The following FOXJ2 variants were observed in gnomAD, a reference collection of about 807,000 sequenced individuals.
FOXJ2 encodes the protein forkhead box J2.
Under a neutral mutation model 68.4 loss-of-function variants are expected in FOXJ2, and 18 were observed. That is an observed-to-expected ratio of 0.26 (90% CI 0.18 to 0.39). The LOEUF (loss-of-function observed/expected upper bound fraction) is 0.39. FOXJ2 is among the 10% of genes least tolerant of loss of function. The probability of loss-of-function intolerance (pLI) is 1.00; values close to 1 mark genes in which losing one functional copy is unlikely to be tolerated. For missense variants in FOXJ2, 670 were observed against 726.5 expected, an observed-to-expected ratio of 0.92 and a Z score of 0.89; for synonymous variants, 274 against 263.2, an observed-to-expected ratio of 1.04 and a Z score of -0.40.
chr12:8,044,537 A>G (rs907422230), intron 5 of FOXJ2, among the ~76,000 whole-genome samples: 1 of 152,196 alleles, frequency 6.6e-6, no homozygotes, highest in East Asian at 1.9e-4. Context: ...ACCCTGCCTC[A>G]GAAACAAACA....
intron 3 of FOXJ2, 77 bp from the exon 4 acceptor site, chr12:8,043,624 C>T: frequency 6.7e-7 from 1 of 1,481,494 alleles, no homozygotes; most frequent in Non-Finnish European, 9.4e-7. Context: ...CAAATTTGCT[C>T]TTCATTAATA....
chr12:8,049,268 A>T, intron 8 of FOXJ2, 94 bp from the exon 9 acceptor site: 1 of 912,056 alleles, frequency 1.1e-6, no homozygotes, highest in Admixed American at 2.3e-5. Context: ...AGTGGGGGTG[A>T]TTGATGGTGT....
In FOXJ2 at chr12:8,035,627, G is replaced by A. The variant is rs1033710749; in HGVS notation, c.-15+1794G>A. On this transcript the variant is annotated intron_variant, in intron 1 of 10. Transcript: ENST00000162391. The surrounding 1 kb of genome is among the most constrained non-coding windows in gnomAD (Gnocchi z 4.0). ...CGTGCACCTGCCTGAATGGCTCAGG[G>A]TGAACTATATCACAACATCTCCAAG... is the stretch of plus-strand genomic sequence containing the variant. Among the ~76,000 whole-genome samples, 1 of 152,154 alleles carries A rather than the reference G, an allele frequency of 6.6e-6. No individual in the cohort carries two copies. Among genetic ancestry groups the A allele is most frequent in the Non-Finnish European group, 1.5e-5 (1 of 68,038 alleles).
At position 8,039,966 on chromosome 12, in the gene FOXJ2, G is replaced by A. The variant is rs1394799588; in HGVS notation, c.134G>A (p.Gly45Glu). The change falls in exon 2 of 11, where the codon GGG becomes GAG. Residue 45 changes from glycine to glutamate, a missense_variant. Gly to Glu is a moderately conservative substitution (Grantham distance 98). Coordinates refer to ENST00000162391, the MANE Select transcript of FOXJ2 (RefSeq NM_018416.3). ...PPGSSRKCSP[G>E]SPTDPNATLS... ...GGGAGCAGCCGCAAGTGTTCACCAG[G>A]GTCACCCACAGATCCTAATGCCACC... is the stretch of plus-strand genomic sequence containing the variant. The A allele has an allele frequency of 6.2e-7, 1 of 1,614,004 alleles. No homozygotes were observed. Among genetic ancestry groups the A allele is most frequent in the Admixed American group, 1.7e-5 (1 of 60,006 alleles).
At chr12:8,034,141 A>G (rs1357036390) in intron 1 of FOXJ2, among the ~76,000 whole-genome samples, 2 of 152,210 alleles carry the variant, frequency 1.3e-5, no homozygotes, top group Non-Finnish European at 1.5e-5. Context: ...GAGAACATGC[A>G]TACTGTGTAG....
Position 8,053,084 on chromosome 12 carries a change from ATAT to A in FOXJ2, c.*251_*253del, listed in dbSNP as rs940431210. ...TCCTAGTTCTTTTATTATTATTCTT[ATAT>A]TATTATTATTATTATTGGTTATATA... On this transcript the variant is annotated 3_prime_UTR_variant, in exon 11 of 11. Coordinates refer to ENST00000162391, the MANE Select transcript of FOXJ2 (RefSeq NM_018416.3). This position sits in a 1 kb window ranked among gnomAD's most constrained non-coding sequence, Gnocchi z 4.1. 3.6e-4 allele frequency: 67 copies of A among 185,052 alleles called. No individual in the cohort carries two copies. The highest frequency in any genetic ancestry group is 2.1e-3 in the Middle Eastern group (1 of 480). 11.5% of individuals were successfully genotyped at this position (185,052 alleles called of 1,614,324 possible).
rs950759469 is a variant in FOXJ2 at position 8,032,808 on chromosome 12, C to A, written c.-1040C>A. The A allele has an allele frequency of 5.0e-6, 2 of 398,134 alleles. No individual in the cohort carries two copies. The highest frequency in any genetic ancestry group is 8.9e-6 in the Non-Finnish European group (2 of 225,878). 24.7% of individuals were successfully genotyped at this position (398,134 alleles called of 1,614,324 possible). On this transcript the variant is annotated 5_prime_UTR_variant, in exon 1 of 11. Coordinates refer to ENST00000162391, the MANE Select transcript of FOXJ2 (RefSeq NM_018416.3). The surrounding 1 kb of genome is among the most constrained non-coding windows in gnomAD (Gnocchi z 4.8). ...CCGGGAGCCCAGACTGGTCGGAGCC[C>A]GAGCGGTGGCAGCGCGGGGAGCCCC...
chr12:8,041,538 G>A (rs767759367), intron 2 of FOXJ2, among the ~76,000 whole-genome samples: 3 of 150,652 alleles, frequency 2.0e-5, no homozygotes, highest in South Asian at 4.2e-4. Context: ...TTTTAAGACA[G>A]GGTCTTGCTC....
rs771119705 is a variant in FOXJ2 at position 8,050,627 on chromosome 12, G to C, written c.1636+7G>C. 6.2e-7 allele frequency: 1 copy of C among 1,613,848 alleles called. No individual in the cohort carries two copies. Among genetic ancestry groups the C allele is most frequent in the African/African-American group, 1.3e-5 (1 of 74,914 alleles). Reference sequence around the variant, plus strand: ...GCAGGATACAATCGCCCAGGTAAGAGCTAAGAAGCTTGTTTCAAAACCGTT... The same window carrying C: ...GCAGGATACAATCGCCCAGGTAAGACCTAAGAAGCTTGTTTCAAAACCGTT... On this transcript the variant is annotated splice_region_variant and intron_variant, in intron 10 of 10. Coordinates refer to ENST00000162391, the MANE Select transcript of FOXJ2 (RefSeq NM_018416.3).
chr12:8,051,318 CG>C (rs35315472), intron 10 of FOXJ2, among the ~76,000 whole-genome samples: 4 of 151,814 alleles, frequency 2.6e-5, no homozygotes, highest in African/African-American at 9.7e-5. Context: ...TTAGTAGAGA[CG>C]GGGTTTTGCC....
rs898344140 is a variant in FOXJ2 at position 8,032,777 on chromosome 12, G to A, written c.-1071G>A. On this transcript the variant is annotated 5_prime_UTR_variant, in exon 1 of 11. Coordinates refer to ENST00000162391, the MANE Select transcript of FOXJ2 (RefSeq NM_018416.3). This position sits in a 1 kb window ranked among gnomAD's most constrained non-coding sequence, Gnocchi z 4.8. ...CCCTGACACTGTCTGCCCGCCTTCT[G>A]GCTCCCCGGGAGCCCAGACTGGTCG... The A allele has an allele frequency of 4.3e-5, 17 of 398,218 alleles. No homozygotes were observed. The highest frequency in any genetic ancestry group is 2.7e-4 in the African/African-American group (13 of 48,700). 24.7% of individuals were successfully genotyped at this position (398,218 alleles called of 1,614,324 possible).
intron 10 of FOXJ2, 22 bp from the exon 11 acceptor site, chr12:8,052,738 ACT>A (rs754998173): frequency 6.2e-5 from 98 of 1,578,106 alleles, no homozygotes; most frequent in Middle Eastern, 1.7e-4. Flanking sequence ...CTCTCCTTTT[ACT>A]CTCTTTCTTT....
At chr12:8,043,036 T>G (rs1035765861) in intron 3 of FOXJ2, among the ~76,000 whole-genome samples, 1 of 151,590 alleles carries the variant, frequency 6.6e-6, no homozygotes, top group Non-Finnish European at 1.5e-5. Flanking sequence ...GTCAACATGG[T>G]GAAACCCCAT....
intron 5 of FOXJ2, 130 bp downstream of exon 5, chr12:8,044,221 G>A: frequency 1.8e-6 from 2 of 1,111,088 alleles, no homozygotes; most frequent in Non-Finnish European, 2.4e-6. Context: ...GAAGGGGAAG[G>A]CAAAAGAGGG....
At chr12:8,036,958 G>A (rs905536981) in intron 1 of FOXJ2, among the ~76,000 whole-genome samples, 4 of 152,134 alleles carry the variant, frequency 2.6e-5, no homozygotes, top group African/African-American at 9.7e-5. Context: ...GTGTGGTGGC[G>A]TGTGCCTATA....
intron 10 of FOXJ2, among the ~76,000 whole-genome samples, chr12:8,052,035 A>C (rs1352108507): frequency 6.6e-6 from 1 of 151,540 alleles, no homozygotes; most frequent in East Asian, 1.9e-4. Flanking sequence ...TGCCTGGCTA[A>C]TTTTTATTTT....
rs1024354656 is a variant in FOXJ2, at chr12:8,053,562, A to G, written c.*712A>G. The G allele has an allele frequency of 2.6e-5, 4 of 152,622 alleles. No individual in the cohort carries two copies. Among genetic ancestry groups the G allele is most frequent in the Admixed American group, 1.3e-4 (2 of 15,276 alleles). 9.5% of individuals were successfully genotyped at this position (152,622 alleles called of 1,614,324 possible). On this transcript the variant is annotated 3_prime_UTR_variant, in exon 11 of 11. Coordinates refer to ENST00000162391, the MANE Select transcript of FOXJ2 (RefSeq NM_018416.3). The surrounding 1 kb of genome is among the most constrained non-coding windows in gnomAD (Gnocchi z 4.1). ...AAGGGATGGAATATAAGTCAGTGTG[A>G]AACTGAGTATACACTGCCATGTTAC...
intron 9 of FOXJ2, 62 bp downstream of exon 9, chr12:8,049,633 A>G: frequency 1.4e-6 from 2 of 1,439,104 alleles, no homozygotes; most frequent in Non-Finnish European, 1.9e-6. Flanking sequence ...GCATAGGAGA[A>G]AGGCAAAAGA....
intron 7 of FOXJ2, 130 bp downstream of exon 7, chr12:8,048,419 T>C: frequency 1.4e-6 from 2 of 1,418,418 alleles, no homozygotes; most frequent in Non-Finnish European, 1.9e-6. Flanking sequence ...TCATGTGAGC[T>C]AATCTGAACA....
Sources: allele counts gnomAD v4.1 joint callset (sites outside exome capture counted in the v4.1 genomes callset), GRCh38; gene constraint gnomAD v4.1.1; non-coding constraint Gnocchi (gnomAD v3.1); transcripts MANE v1.5; gene names NCBI Gene and HGNC (gene_info 2026-07-23, HGNC 2026-07-21).